Variants in ENPP3 observed in about 807,000 individuals in gnomAD.
ENPP3 encodes the protein ectonucleotide pyrophosphatase/phosphodiesterase 3.
ENPP3 carries 104 observed loss-of-function variants against 117.8 expected under a neutral mutation model. The observed-to-expected ratio is 0.88, with a 90% CI of 0.75 to 1.04. The LOEUF (loss-of-function observed/expected upper bound fraction) is 1.04, where lower values mean the gene tolerates loss of function less well. Ranked by LOEUF, ENPP3 falls within the 50% of genes least tolerant of loss-of-function variation. The pLI is 0.00. For synonymous variants in ENPP3, 380 were observed against 349.9 expected (o/e 1.09, Z -0.96); for missense variants, 1,026 against 1,051.9 (o/e 0.98, Z 0.34).
chr6:131,683,251 T>C, intron 12 of ENPP3, 89 bp downstream of exon 12: 1 of 747,552 alleles, frequency 1.3e-6, no homozygotes, highest in Non-Finnish European at 2.2e-6. Context: ...TATTTTAAAA[T>C]CTCTACTTCC....
intron 6 of ENPP3, among the ~76,000 whole-genome samples, chr6:131,662,567 A>G (rs1363822904): frequency 3.3e-5 from 5 of 152,160 alleles, no homozygotes; most frequent in African/African-American, 4.8e-5. Context: ...TGGTCTATAC[A>G]TCTGTTTTTA....
intron 5 of ENPP3, among the ~76,000 whole-genome samples, chr6:131,656,684 G>T (rs1778392109): frequency 6.6e-6 from 1 of 151,544 alleles, no homozygotes; most frequent in Non-Finnish European, 1.5e-5. Context: ...GGAGAATGGT[G>T]TGAACCTGGG....
chr6:131,659,656 TC>T (rs970600050), intron 6 of ENPP3, among the ~76,000 whole-genome samples: 12 of 152,268 alleles, frequency 7.9e-5, no homozygotes, highest in Middle Eastern at 3.4e-3. Context: ...GATCACTACT[TC>T]CTGCAACTCA....
chr6:131,645,270 A>G lies in ENPP3; in HGVS notation c.154+3740A>G, dbSNP rs577243657. ...GGGTTTTCATCTTCTTAACTCAGGT[A>G]TGTAGTCCCAGGTTGCTTTCTAGAA... is the stretch of plus-strand genomic sequence containing the variant. On this transcript the variant is annotated intron_variant, in intron 2 of 24. Coordinates refer to ENST00000357639, the MANE Select transcript of ENPP3 (RefSeq NM_005021.5). Among the ~76,000 whole-genome samples, 4 of 152,346 alleles carry G rather than the reference A, an allele frequency of 2.6e-5. No individual in the cohort carries two copies. The East Asian group carries it at 7.7e-4, about 29-fold the overall frequency.
intron 15 of ENPP3, among the ~76,000 whole-genome samples, chr6:131,717,994 A>T (rs745343896): frequency 1.3e-5 from 2 of 152,206 alleles, no homozygotes; most frequent in Non-Finnish European, 2.9e-5. Context: ...CACATAGCCC[A>T]GGTGCGTAGA....
chr6:131,642,007 C>G (rs1778054996), intron 2 of ENPP3, among the ~76,000 whole-genome samples: 1 of 151,726 alleles, frequency 6.6e-6, no homozygotes. Context: ...ATTGCCCAGG[C>G]TGGTCTCGAG....
intron 16 of ENPP3, among the ~76,000 whole-genome samples, chr6:131,718,987 C>A (rs577930990): frequency 6.6e-6 from 1 of 151,688 alleles, no homozygotes; most frequent in Non-Finnish European, 1.5e-5. Context: ...CCTGCCCTCA[C>A]GAAGCTTTTA....
chr6:131,723,331 G>T (rs1410510482), intron 18 of ENPP3, among the ~76,000 whole-genome samples: 1 of 152,120 alleles, frequency 6.6e-6, no homozygotes, highest in Admixed American at 6.5e-5. Flanking sequence ...ACTTCTCAAT[G>T]AAGATCAAAT....
At chr6:131,666,802 T>A (rs896839445) in intron 6 of ENPP3, among the ~76,000 whole-genome samples, 7 of 152,264 alleles carry the variant, frequency 4.6e-5, no homozygotes, top group African/African-American at 1.7e-4. Context: ...TGTGTTGACA[T>A]CTGCACGTTG....
chr6:131,697,544 C>T (rs1323548743), intron 15 of ENPP3, among the ~76,000 whole-genome samples: 2 of 151,650 alleles, frequency 1.3e-5, no homozygotes, highest in East Asian at 1.9e-4. Flanking sequence ...ACTCGTTATA[C>T]TGTAGAATCA....
chr6:131,651,507 C>T (rs1319029421), intron 3 of ENPP3, among the ~76,000 whole-genome samples: 2 of 152,178 alleles, frequency 1.3e-5, no homozygotes, highest in Non-Finnish European at 2.9e-5. Flanking sequence ...CAGTGGTTCT[C>T]AAACGTCGAG....
chr6:131,741,431 T>C (rs1780525555), intron 24 of ENPP3, among the ~76,000 whole-genome samples: 1 of 152,184 alleles, frequency 6.6e-6, no homozygotes, highest in Non-Finnish European at 1.5e-5. Flanking sequence ...TTGGGATCAA[T>C]TGACAATTAA....
Position 131,725,038 on chromosome 6 carries a change from G to A in ENPP3, c.1798+947G>A, listed in dbSNP as rs186473417. Among the ~76,000 whole-genome samples the A allele has an allele frequency of 8.1e-4, 115 of 141,338 alleles. No individual in the cohort carries two copies. The East Asian group carries it at 0.011, about 13-fold the overall frequency. The allele number at this position is 141,338 out of a possible 152,430, so 92.7% of individuals were successfully genotyped here. A position where few individuals can be genotyped will look rare whatever the true frequency, so the allele number is the denominator to read the frequency against. On this transcript the variant is annotated intron_variant, in intron 19 of 24. Coordinates refer to ENST00000357639, the MANE Select transcript of ENPP3 (RefSeq NM_005021.5). ...AGCCTGGCCAACATGGTGAAACCCC[G>A]TCTCTACTAAAAATACAAAAAAAAA...
intron 6 of ENPP3, among the ~76,000 whole-genome samples, chr6:131,663,127 T>C (rs943481092): frequency 6.6e-6 from 1 of 151,666 alleles, no homozygotes; most frequent in Non-Finnish European, 1.5e-5. Flanking sequence ...TAGGGACAGG[T>C]TTACTTCTTT....
In ENPP3 at chr6:131,722,422, T is replaced by C. The variant is rs752237104; in HGVS notation, c.1746+17T>C. 17 of 1,609,134 alleles carry C rather than the reference T, an allele frequency of 1.1e-5. No homozygotes were observed. Among genetic ancestry groups the C allele is most frequent in the Admixed American group, 3.4e-5 (2 of 59,512 alleles). On this transcript the variant is annotated intron_variant, in intron 18 of 24. Coordinates refer to ENST00000357639, the MANE Select transcript of ENPP3 (RefSeq NM_005021.5). ...CTACAAAATGTAAGTAACAACTTCA[T>C]GCATCCATAAGAACGTAAAGGGGCA...
At chr6:131,685,751 A>G in intron 13 of ENPP3, 125 bp from the exon 14 acceptor site, 2 of 659,902 alleles carry the variant, frequency 3.0e-6, no homozygotes, top group Non-Finnish European at 5.5e-6. Context: ...ATAATTTTTA[A>G]TATAATTTTA....
chr6:131,702,364 A>G (rs1779558105), intron 15 of ENPP3, among the ~76,000 whole-genome samples: 2 of 150,220 alleles, frequency 1.3e-5, no homozygotes, highest in Admixed American at 1.3e-4. Flanking sequence ...TCCACAGCAT[A>G]TATCTCACAA....
chr6:131,697,746 C>T (rs9493057), intron 15 of ENPP3, among the ~76,000 whole-genome samples: 35,349 of 151,968 alleles, frequency 0.23, 5,956 homozygotes, highest in African/African-American at 0.46. Flanking sequence ...GGAGGCGGAG[C>T]TCAGGTGGTA....
Position 131,673,057 on chromosome 6 carries a change from A to G in ENPP3, c.643-1105A>G, listed in dbSNP as rs186754690. ...TTGATAATATAACCAGTGGCTAACC[A>G]TTATTCTAATATGGGAAACTTTAAC... On this transcript the variant is annotated intron_variant, in intron 7 of 24. Coordinates refer to ENST00000357639, the MANE Select transcript of ENPP3 (RefSeq NM_005021.5). Among the ~76,000 whole-genome samples the G allele has an allele frequency of 6.0e-4, 92 of 152,334 alleles. 1 individual carries two copies. In the East Asian group the frequency reaches 0.017, roughly 28 times the overall value.
Sources: allele counts gnomAD v4.1 joint callset (sites outside exome capture counted in the v4.1 genomes callset), GRCh38; gene constraint gnomAD v4.1.1; transcripts MANE v1.5; gene names NCBI Gene and HGNC (gene_info 2026-07-23, HGNC 2026-07-21).